The following GRM7 variants were observed in gnomAD, a reference collection of about 807,000 sequenced individuals.
GRM7 encodes glutamate metabotropic receptor 7, also known as metabotropic glutamate receptor 7.
Under a neutral mutation model 84.5 loss-of-function variants are expected in GRM7, and 35 were observed. That is an observed-to-expected ratio of 0.41 (90% confidence interval 0.32 to 0.55). The LOEUF (loss-of-function observed/expected upper bound fraction) is 0.55. Among genes scored for constraint, GRM7 ranks in the 20% least tolerant of loss-of-function variants. The pLI, the probability that GRM7 is intolerant of heterozygous loss-of-function variation, is 0.19. For missense variants in GRM7, 1,003 were observed against 1,194.6 expected (o/e 0.84, Z 2.36); for synonymous variants, 487 against 455.1 (o/e 1.07, Z -0.89).
chr3:7,022,020 A>G (rs1286981431), intron 1 of GRM7, among the ~76,000 whole-genome samples: 4 of 152,178 alleles, frequency 2.6e-5, no homozygotes, highest in Admixed American at 2.0e-4. Context: ...ACTATAAAAT[A>G]GACATACAAA....
chr3:7,224,908 T>A (rs930321649), intron 2 of GRM7, among the ~76,000 whole-genome samples: 2 of 152,108 alleles, frequency 1.3e-5, no homozygotes, highest in African/African-American at 4.8e-5. Context: ...TGACCAAGAG[T>A]TTTGCTTATG....
intron 3 of GRM7, among the ~76,000 whole-genome samples, chr3:7,303,524 A>G (rs1700082367): frequency 6.6e-6 from 1 of 152,146 alleles, no homozygotes; most frequent in Admixed American, 6.5e-5. Context: ...TTTTAATTTG[A>G]CAAAAATCAG....
chr3:6,980,192 A>T (rs561486), intron 1 of GRM7, among the ~76,000 whole-genome samples: 7 of 152,028 alleles, frequency 4.6e-5, no homozygotes, highest in East Asian at 1.9e-4. Flanking sequence ...GCCTTGGGAA[A>T]GAAAAACAAA....
intron 7 of GRM7, among the ~76,000 whole-genome samples, chr3:7,557,327 T>C (rs1026808167): frequency 6.6e-6 from 1 of 152,200 alleles, no homozygotes; most frequent in Admixed American, 6.5e-5. Context: ...AAATAGACTC[T>C]AAAATTCTGA....
At chr3:7,125,835 A>G (rs191084542) in intron 1 of GRM7, among the ~76,000 whole-genome samples, 21 of 152,252 alleles carry the variant, frequency 1.4e-4, no homozygotes, top group Non-Finnish European at 1.5e-5. Flanking sequence ...TCATCTTTGC[A>G]ACTGCTTTTC....
intron 1 of GRM7, among the ~76,000 whole-genome samples, chr3:7,013,260 T>C (rs991415352): frequency 1.3e-5 from 2 of 150,184 alleles, no homozygotes; most frequent in South Asian, 4.1e-4. Context: ...TGTTAATCTG[T>C]CATTTTTTAT....
chr3:7,542,138 T>C (rs1292135377), intron 7 of GRM7, among the ~76,000 whole-genome samples: 1 of 152,222 alleles, frequency 6.6e-6, no homozygotes, highest in Non-Finnish European at 1.5e-5. Flanking sequence ...ACTGCATTAC[T>C]CCTGCAAATA....
chr3:7,288,613 T>C (rs1258395396), intron 2 of GRM7, among the ~76,000 whole-genome samples: 1 of 152,100 alleles, frequency 6.6e-6, no homozygotes, highest in African/African-American at 2.4e-5. Flanking sequence ...CAAATAAGAA[T>C]GGAGGCATTA....
At chr3:7,568,089 C>T (rs1359897541) in intron 7 of GRM7, among the ~76,000 whole-genome samples, 1 of 152,178 alleles carries the variant, frequency 6.6e-6, no homozygotes, top group East Asian at 1.9e-4. Flanking sequence ...GTTATTCATT[C>T]ACTTCCTTAA....
intron 8 of GRM7, among the ~76,000 whole-genome samples, chr3:7,590,294 G>T (rs148337595): frequency 1.8e-4 from 28 of 152,208 alleles, no homozygotes; most frequent in African/African-American, 6.5e-4. Flanking sequence ...CTTTCTTAGA[G>T]CCCAGGAGGT....
chr3:6,999,599 A>G lies in GRM7; in HGVS notation c.519+137692A>G, dbSNP rs147773562. On this transcript the variant is annotated intron_variant, in intron 1 of 9. Coordinates refer to ENST00000357716, the MANE Select transcript of GRM7 (RefSeq NM_000844.4). ...TCTGAGACTGGGTAATTTATAAAGG[A>G]AAAAGGCTTAATTGACTCACAGTTC... Among the ~76,000 whole-genome samples the G allele has an allele frequency of 9.7e-3, 1,482 of 152,288 alleles. 27 individuals carry two copies. Among genetic ancestry groups the G allele is most frequent in the African/African-American group, 0.032 (1,344 of 41,542 alleles).
chr3:7,114,892 A>C (rs548107453), intron 1 of GRM7, among the ~76,000 whole-genome samples: 3 of 151,990 alleles, frequency 2.0e-5, no homozygotes, highest in Non-Finnish European at 4.4e-5. Context: ...TGCCCACCCC[A>C]TGTTTTGCCC....
At chr3:7,347,149 G>A (rs17047182) in intron 4 of GRM7, among the ~76,000 whole-genome samples, 2,672 of 152,044 alleles carry the variant, frequency 0.018, 75 homozygotes, top group African/African-American at 0.061. Flanking sequence ...AAATGTCATC[G>A]CAGTTCCAAA....
chr3:7,517,930 C>T (rs1700452837), intron 7 of GRM7, among the ~76,000 whole-genome samples: 2 of 152,206 alleles, frequency 1.3e-5, no homozygotes, highest in African/African-American at 2.4e-5. Context: ...AGGACCTTTA[C>T]ATCTAATTGG....
intron 4 of GRM7, among the ~76,000 whole-genome samples, chr3:7,343,453 A>G (rs968377843): frequency 2.0e-5 from 3 of 152,068 alleles, no homozygotes; most frequent in African/African-American, 7.2e-5. Flanking sequence ...AGCTCAAGCA[A>G]TCCTCACACC....
intron 9 of GRM7, among the ~76,000 whole-genome samples, chr3:7,726,251 C>A (rs1156979452): frequency 6.6e-6 from 1 of 151,790 alleles, no homozygotes; most frequent in Non-Finnish European, 1.5e-5. Context: ...ACAAAACTGG[C>A]AGAACAAGAA....
chr3:7,055,002 C>T (rs1462734309), intron 1 of GRM7, among the ~76,000 whole-genome samples: 2 of 151,888 alleles, frequency 1.3e-5, no homozygotes, highest in East Asian at 3.9e-4. Context: ...CCAGTTTTCC[C>T]GTTGCTTAAG....
intron 4 of GRM7, among the ~76,000 whole-genome samples, chr3:7,346,138 G>A (rs541435710): frequency 1.4e-3 from 209 of 152,170 alleles, no homozygotes; most frequent in Non-Finnish European, 2.3e-3. Context: ...CCATAATTGA[G>A]AAGGAAAATG....
At chr3:7,329,532 T>C (rs1701115590) in intron 4 of GRM7, among the ~76,000 whole-genome samples, 2 of 152,164 alleles carry the variant, frequency 1.3e-5, no homozygotes, top group African/African-American at 4.8e-5. Context: ...CTCAGCCTTT[T>C]TAGAGCAAAG....
Sources: allele counts gnomAD v4.1 joint callset (sites outside exome capture counted in the v4.1 genomes callset), GRCh38; gene constraint gnomAD v4.1.1; transcripts MANE v1.5; gene names NCBI Gene and HGNC (gene_info 2026-07-23, HGNC 2026-07-21).